MAPRE2: variants seen among roughly 807,000 people sequenced by gnomAD.
MAPRE2 encodes microtubule associated protein RP/EB family member 2.
Under a neutral mutation model 43.2 loss-of-function variants are expected in MAPRE2, and 13 were observed. The ratio of observed to expected loss-of-function variants is 0.30; its 90% CI spans 0.20 to 0.48. The LOEUF (loss-of-function observed/expected upper bound fraction) is 0.48, where lower values mean the gene tolerates loss of function less well. Ranked by LOEUF, MAPRE2 falls within the 20% of genes least tolerant of loss-of-function variation. MAPRE2 has a pLI of 0.99. For missense variants in MAPRE2, 161 were observed against 400.2 expected (o/e 0.40, Z 5.10); for synonymous variants, 135 against 148.8 (o/e 0.91, Z 0.68).
chr18:35,057,985 G>C (rs887018021), intron 1 of MAPRE2, among the ~76,000 whole-genome samples: 8 of 152,184 alleles, frequency 5.3e-5, no homozygotes, highest in African/African-American at 1.9e-4. Flanking sequence ...GAGAGAACCT[G>C]TCTTGTATAT....
chr18:35,139,168 G>A (rs1181045151), intron 6 of MAPRE2, among the ~76,000 whole-genome samples: 1 of 152,172 alleles, frequency 6.6e-6, no homozygotes, highest in Non-Finnish European at 1.5e-5. Flanking sequence ...GGCTAAAGAT[G>A]GGTTTGTCCT....
chr18:35,007,124 A>C (rs2097032206), intron 2 of MAPRE2, among the ~76,000 whole-genome samples: 1 of 152,182 alleles, frequency 6.6e-6, no homozygotes, highest in South Asian at 2.1e-4. Flanking sequence ...AAACCACCTA[A>C]GCTTTCTGTG....
intron 1 of MAPRE2, among the ~76,000 whole-genome samples, chr18:34,989,851 G>T (rs2097022855): frequency 6.6e-6 from 1 of 152,106 alleles, no homozygotes; most frequent in South Asian, 2.1e-4. Context: ...GGATCCCCCG[G>T]TAATCTGTTG....
intron 2 of MAPRE2, among the ~76,000 whole-genome samples, chr18:35,087,618 T>G (rs1053589320): frequency 1.3e-5 from 2 of 152,194 alleles, no homozygotes; most frequent in African/African-American, 4.8e-5. Flanking sequence ...TTGTTGTGGT[T>G]CAACTGCTAT....
chr18:34,983,343 A>G (rs1395774079), intron 1 of MAPRE2, among the ~76,000 whole-genome samples: 1 of 152,242 alleles, frequency 6.6e-6, no homozygotes, highest in Non-Finnish European at 1.5e-5. Flanking sequence ...GAATCCAAAC[A>G]AGCCCAAATA....
rs1373165922 is a variant in MAPRE2, at chr18:35,141,008, G to C, written c.*639G>C. ...AGGGCCCAGCAGTGTTCCTCCATCA[G>C]CATGTTAGACAACTACACAGTATGT... On this transcript the variant is annotated 3_prime_UTR_variant, in exon 7 of 7. Coordinates refer to ENST00000300249, the MANE Select transcript of MAPRE2 (RefSeq NM_014268.4). 1 of 152,266 alleles carries C rather than the reference G, an allele frequency of 6.6e-6. No homozygotes were observed. Among genetic ancestry groups the C allele is most frequent in the Non-Finnish European group, 1.5e-5 (1 of 68,102 alleles). 9.4% of individuals were successfully genotyped at this position (152,266 alleles called of 1,614,324 possible).
intron 2 of MAPRE2, among the ~76,000 whole-genome samples, chr18:35,071,638 G>C (rs1907122430): frequency 1.3e-5 from 2 of 152,114 alleles, no homozygotes; most frequent in Middle Eastern, 3.2e-3. Flanking sequence ...TTTTCCCAGA[G>C]GGTCAAGTAT....
chr18:35,107,904 C>G (rs749248243), intron 4 of MAPRE2, among the ~76,000 whole-genome samples: 8 of 151,478 alleles, frequency 5.3e-5, no homozygotes, highest in Non-Finnish European at 8.8e-5. Flanking sequence ...CTTTAATTCT[C>G]TCCATTTTTG....
chr18:35,066,185 G>A (rs1220108364), intron 1 of MAPRE2, among the ~76,000 whole-genome samples: 1 of 152,168 alleles, frequency 6.6e-6, no homozygotes, highest in African/African-American at 2.4e-5. Flanking sequence ...TTTTTGAATT[G>A]TATAATTCCT....
chr18:35,099,047 T>A (rs1439653709), intron 3 of MAPRE2, among the ~76,000 whole-genome samples: 1 of 152,218 alleles, frequency 6.6e-6, no homozygotes, highest in Non-Finnish European at 1.5e-5. Context: ...CCACCTAGGA[T>A]TTTGAACTTT....
chr18:35,054,028 A>G (rs1603394999), intron 1 of MAPRE2, among the ~76,000 whole-genome samples: 1 of 152,352 alleles, frequency 6.6e-6, no homozygotes, highest in South Asian at 2.1e-4. Flanking sequence ...TTTGCCAAGA[A>G]TAGCCAAAGC....
chr18:34,987,733 C>T (rs1327278551), intron 1 of MAPRE2, among the ~76,000 whole-genome samples: 1 of 152,108 alleles, frequency 6.6e-6, no homozygotes, highest in Non-Finnish European at 1.5e-5. Flanking sequence ...GCCTCCACCT[C>T]CCAGGCTCAA....
chr18:35,048,190 G>T (rs1005859236), intron 1 of MAPRE2, among the ~76,000 whole-genome samples: 2 of 152,142 alleles, frequency 1.3e-5, no homozygotes, highest in African/African-American at 2.4e-5. Flanking sequence ...GCAAGAGAGA[G>T]GGAGTGGAGG....
intron 5 of MAPRE2, among the ~76,000 whole-genome samples, chr18:35,130,987 G>A (rs1257847590): frequency 6.6e-6 from 1 of 152,184 alleles, no homozygotes; most frequent in Non-Finnish European, 1.5e-5. Context: ...TCGAGGGGAA[G>A]AAAGAGGAAT....
chr18:35,140,138 G>A lies in MAPRE2; in HGVS notation c.910-157G>A, dbSNP rs528873462. Among the ~76,000 whole-genome samples, 39 of 152,326 alleles carry A rather than the reference G, an allele frequency of 2.6e-4. No homozygotes were observed. The South Asian group carries it at 6.8e-3, about 27-fold the overall frequency. ...CGCCCCTGCATATGTATCAGACACC[G>A]GAAGCTGGGAGACGTTTGCATGGCG... On this transcript the variant is annotated intron_variant, in intron 6 of 6. Transcript: ENST00000300249.
rs1202738787 is a variant in MAPRE2 at position 35,089,607 on chromosome 18, C to A, written c.251-7839C>A. On this transcript the variant is annotated intron_variant, in intron 2 of 6. Transcript: ENST00000300249. ...ATCAAAGCAAAACCACAGTGACATA[C>A]CACTTCACATCCATTAGGATGGTTA... Among the ~76,000 whole-genome samples, 5 of 152,190 alleles carry A rather than the reference C, an allele frequency of 3.3e-5. No homozygotes were observed. The South Asian group carries it at 6.2e-4, about 19-fold the overall frequency.
chr18:35,075,182 A>G (rs534961274), intron 2 of MAPRE2, among the ~76,000 whole-genome samples: 159 of 152,328 alleles, frequency 1.0e-3, no homozygotes, highest in African/African-American at 3.7e-3. Flanking sequence ...AAGTATTTAG[A>G]GTACACTCTG....
chr18:35,073,073 C>A (rs1907188086), intron 2 of MAPRE2, among the ~76,000 whole-genome samples: 1 of 152,050 alleles, frequency 6.6e-6, no homozygotes, highest in Non-Finnish European at 1.5e-5. Context: ...AGCAGATGAC[C>A]TTCTAAATCG....
At chr18:35,029,025 C>T (rs1028654773) in intron 2 of MAPRE2, among the ~76,000 whole-genome samples, 2 of 152,206 alleles carry the variant, frequency 1.3e-5, no homozygotes, top group African/African-American at 2.4e-5. Context: ...TCATGTGCTA[C>T]ACTATGCAGT....
Sources: gnomAD v4.1 joint callset for allele counts (sites outside exome capture counted in the v4.1 genomes callset) on GRCh38, gnomAD v4.1.1 for gene constraint, MANE v1.5 for transcripts, NCBI Gene and HGNC (gene_info 2026-07-23, HGNC 2026-07-21) for gene names.